The following BCL2L14 variants were observed in gnomAD, a reference collection of about 807,000 sequenced individuals.
BCL2L14 encodes the protein apoptosis facilitator Bcl-2-like protein 14.
Under a neutral mutation model 35.3 loss-of-function variants are expected in BCL2L14, and 27 were observed. That is an observed-to-expected ratio of 0.76 (90% CI 0.56 to 1.05). The LOEUF (loss-of-function observed/expected upper bound fraction) is 1.05, where lower values mean the gene tolerates loss of function less well. BCL2L14 is among the 50% of genes least tolerant of loss of function. The pLI is 0.00. For synonymous variants in BCL2L14, 139 were observed against 145.9 expected, an observed-to-expected ratio of 0.95 and a Z score of 0.34; for missense variants, 377 against 382.6, an observed-to-expected ratio of 0.99 and a Z score of 0.12.
In BCL2L14 at chr12:12,063,236, T is replaced by C. The variant is rs538122659; in HGVS notation, c.-272+11389T>C. 5.3e-4 allele frequency among the ~76,000 whole-genome samples: 60 copies of C among 113,626 alleles called. No individual in the cohort carries two copies. In the East Asian group the frequency reaches 0.015, roughly 29 times the overall value. The allele number at this position is 113,626 out of a possible 152,430, so 74.5% of individuals were successfully genotyped here. The stretch of plus-strand genomic sequence containing the variant: ...TTTCTCCAAGCCATCACAGCTGATA[T>C]CTCCTGGTGCTATCCCCAAACTGCC... On this transcript the variant is annotated intron_variant, in intron 2 of 3. Transcript: ENST00000461264.
chr12:12,087,380 AAGAAAGGTAAG>A lies in BCL2L14; in HGVS notation c.602_607+5del. 1 of 1,613,988 alleles carries A rather than the reference AAGAAAGGTAAG, an allele frequency of 6.2e-7. No homozygotes were observed. Among genetic ancestry groups the A allele is most frequent in the Non-Finnish European group, 8.5e-7 (1 of 1,179,966 alleles). ...CCACGTGCCTGTAGCTTCAAGTTCT[AAGAAAGGTAAG>A]CTTTCCTTCCCTGGGTGGAGTGTTT... On this transcript the variant is annotated splice_donor_variant and splice_donor_5th_base_variant and coding_sequence_variant and intron_variant, in exon 3 of 6. Coordinates refer to ENST00000308721, the MANE Select transcript of BCL2L14 (RefSeq NM_138723.2). LOFTEE classifies it high-confidence loss of function.
At chr12:12,070,613 G>T (rs560030225), upstream of BCL2L14, among the ~76,000 whole-genome samples, 149 of 151,892 alleles carry the variant, frequency 9.8e-4, 1 homozygote, top group African/African-American at 3.0e-3. Context: ...GGAGGCGGAG[G>T]TTGCAGTGCG....
intron 5 of BCL2L14, chr12:12,095,634 A>G (rs930756129): frequency 2.0e-6 from 2 of 985,248 alleles, no homozygotes; most frequent in African/African-American, 3.5e-5. Context: ...AGGCATTCCT[A>G]GGCGGACAGA....
chr12:12,068,834 G>C (rs1948624015), upstream of BCL2L14, among the ~76,000 whole-genome samples: 1 of 152,124 alleles, frequency 6.6e-6, no homozygotes, highest in African/African-American at 2.4e-5. Context: ...GAATAAAAGG[G>C]GGGCTACTCC....
chr12:12,069,766 T>C (rs1315409062), upstream of BCL2L14, among the ~76,000 whole-genome samples: 2 of 152,052 alleles, frequency 1.3e-5, no homozygotes, highest in Non-Finnish European at 2.9e-5. Context: ...ATTCTTAGTA[T>C]TTCTTTAATA....
chr12:12,097,630 T>C lies in BCL2L14; in HGVS notation c.946-1320T>C, dbSNP rs947387666. Among the ~76,000 whole-genome samples, 5 of 152,362 alleles carry C rather than the reference T, an allele frequency of 3.3e-5. No individual in the cohort carries two copies. The East Asian group carries it at 9.6e-4, about 29-fold the overall frequency. Reference sequence around the variant, plus strand: ...CGATGTTTGCATAACTCTGTGAATATACTAAAAGTGAATATACGAATTCAC... The same window carrying C: ...CGATGTTTGCATAACTCTGTGAATACACTAAAAGTGAATATACGAATTCAC... On this transcript the variant is annotated intron_variant, in intron 5 of 5. Coordinates refer to ENST00000308721, the MANE Select transcript of BCL2L14 (RefSeq NM_138723.2).
intron 2 of BCL2L14, among the ~76,000 whole-genome samples, chr12:12,080,061 C>T (rs1050157431): frequency 1.1e-4 from 17 of 152,166 alleles, no homozygotes; most frequent in South Asian, 8.3e-4. Flanking sequence ...AAAAATTAGC[C>T]GGGCGTGTTG....
chr12:12,097,851 G>A (rs1949349257), intron 5 of BCL2L14, among the ~76,000 whole-genome samples: 1 of 151,908 alleles, frequency 6.6e-6, no homozygotes, highest in African/African-American at 2.4e-5. Context: ...ATACTAAAGT[G>A]GATTTCCAAA....
chr12:12,050,460 G>C (rs1188459815), intron 1 of BCL2L14, among the ~76,000 whole-genome samples: 1 of 145,776 alleles, frequency 6.9e-6, no homozygotes, highest in Non-Finnish European at 1.5e-5. Flanking sequence ...GAAAAGAAAA[G>C]AAAAGAAGAA....
At position 12,061,136 on chromosome 12, in the gene BCL2L14, T is replaced by A. The variant is rs907104524; in HGVS notation, c.-272+9289T>A. On this transcript the variant is annotated intron_variant, in intron 2 of 3. Transcript: ENST00000461264. Reference sequence around the variant, plus strand: ...TTTTAGTTATCCCCACCTGCCCAGTTCCCTTATTAGACTGAGACACTTTAA... The same window carrying A: ...TTTTAGTTATCCCCACCTGCCCAGTACCCTTATTAGACTGAGACACTTTAA... Among the ~76,000 whole-genome samples, 17 of 126,602 alleles carry A rather than the reference T, an allele frequency of 1.3e-4. No individual in the cohort carries two copies. In the East Asian group the frequency reaches 3.1e-3, roughly 23 times the overall value. 83.1% of individuals were successfully genotyped at this position (126,602 alleles called of 152,430 possible).
chr12:12,050,516 T>C (rs1591796379), intron 1 of BCL2L14, among the ~76,000 whole-genome samples: 1 of 142,604 alleles, frequency 7.0e-6, no homozygotes, highest in Non-Finnish European at 1.5e-5. Context: ...AAGAGCAAAA[T>C]GCCAAGGGGG....
At chr12:12,066,552 A>G, upstream of BCL2L14, among the ~76,000 whole-genome samples, 1 of 152,292 alleles carries the variant, frequency 6.6e-6, no homozygotes, top group African/African-American at 2.4e-5. Flanking sequence ...AGTGAATTCA[A>G]AGCATATATA....
intron 2 of BCL2L14, among the ~76,000 whole-genome samples, chr12:12,086,219 G>T (rs1454913814): frequency 2.0e-5 from 3 of 152,212 alleles, no homozygotes; most frequent in Admixed American, 6.5e-5. Flanking sequence ...TCAGGAGGCT[G>T]AGGTGGGACA....
chr12:12,061,320 A>G (rs55940626), intron 2 of BCL2L14, among the ~76,000 whole-genome samples: 14,794 of 148,004 alleles, frequency 0.1, 857 homozygotes, highest in East Asian at 0.39. Flanking sequence ...GACCAATCAC[A>G]CACCCCTTAC....
rs181406583 is a variant in BCL2L14, at chr12:12,083,929, C to T, written c.434-3284C>T. ...CACCATTGCACTCCAGCTTGGATGA[C>T]GGGGTGAAAAAAAGAATTCCTGGGA... On this transcript the variant is annotated intron_variant, in intron 2 of 5. Transcript: ENST00000308721. 5.9e-3 allele frequency among the ~76,000 whole-genome samples: 892 copies of T among 152,150 alleles called. 12 individuals are homozygous for T. Among genetic ancestry groups the T allele is most frequent in the African/African-American group, 0.02 (848 of 41,522 alleles).
At chr12:12,090,181 C>T (rs2136772285) in intron 3 of BCL2L14, among the ~76,000 whole-genome samples, 1 of 152,248 alleles carries the variant, frequency 6.6e-6, no homozygotes, top group Middle Eastern at 3.4e-3. Flanking sequence ...CAACAACAAG[C>T]TTAAGGTAAC....
chr12:12,085,927 T>C (rs771231456), intron 2 of BCL2L14, among the ~76,000 whole-genome samples: 6 of 152,194 alleles, frequency 3.9e-5, no homozygotes, highest in Non-Finnish European at 7.3e-5. Flanking sequence ...TCAAGTCCTG[T>C]GAATTACCTA....
At chr12:12,081,192 T>C (rs1948916452) in intron 2 of BCL2L14, among the ~76,000 whole-genome samples, 1 of 151,848 alleles carries the variant, frequency 6.6e-6, no homozygotes, top group Non-Finnish European at 1.5e-5. Flanking sequence ...ATCACGTCGA[T>C]ACTCTCAGCA....
Position 12,053,993 on chromosome 12 carries a change from C to A in BCL2L14, c.-272+2146C>A, listed in dbSNP as rs866573206. On this transcript the variant is annotated intron_variant, in intron 2 of 3. Transcript: ENST00000461264. ...TATAATTTTGAAACATGATATGTTA[C>A]CTAATGTTACCTCTCCCGGTTTAGT... 5.4e-4 allele frequency among the ~76,000 whole-genome samples: 82 copies of A among 152,116 alleles called. 1 individual carries two copies. Among genetic ancestry groups the A allele is most frequent in the African/African-American group, 1.9e-3 (78 of 41,416 alleles).
Sources: allele counts gnomAD v4.1 joint callset (sites outside exome capture counted in the v4.1 genomes callset), GRCh38; gene constraint gnomAD v4.1.1; transcripts MANE v1.5; gene names NCBI Gene and HGNC (gene_info 2026-07-23, HGNC 2026-07-21).